The following SMAD2 variants were observed in gnomAD, a reference collection of about 807,000 sequenced individuals.
SMAD2 encodes the protein MAD homolog 2.
In SMAD2, 8 loss-of-function variants were observed where a neutral mutation model predicts 64.4. The ratio of observed to expected loss-of-function variants is 0.12; its 90% CI spans 0.07 to 0.22. The LOEUF (loss-of-function observed/expected upper bound fraction) is 0.22, where lower values mean the gene tolerates loss of function less well. SMAD2 is among the 10% of genes least tolerant of loss of function. SMAD2 has a pLI of 1.00. For synonymous variants in SMAD2, 203 were observed against 195.8 expected, an observed-to-expected ratio of 1.04 and a Z score of -0.31; for missense variants, 289 against 561.2, an observed-to-expected ratio of 0.51 and a Z score of 4.90.
At chr18:47,861,650 GT>G (rs1568056390) in intron 6 of SMAD2, among the ~76,000 whole-genome samples, 2 of 152,196 alleles carry the variant, frequency 1.3e-5, no homozygotes, top group African/African-American at 4.8e-5. Context: ...TCCTGAAGTT[GT>G]CAAACCTGAC....
At chr18:47,900,386 A>G (rs948502484) in intron 1 of SMAD2, among the ~76,000 whole-genome samples, 4 of 152,112 alleles carry the variant, frequency 2.6e-5, no homozygotes, top group African/African-American at 9.7e-5. Context: ...TACTCTGCCT[A>G]TCCCATATTC....
At chr18:47,850,876 A>T (rs1250762883) in intron 7 of SMAD2, among the ~76,000 whole-genome samples, 2 of 92,516 alleles carry the variant, frequency 2.2e-5, no homozygotes, top group African/African-American at 4.0e-5. Flanking sequence ...ATTATGTATA[A>T]TATATATAAA....
At chr18:47,911,338 G>A (rs1441558390) in intron 1 of SMAD2, among the ~76,000 whole-genome samples, 3 of 148,836 alleles carry the variant, frequency 2.0e-5, no homozygotes, top group African/African-American at 7.5e-5. Context: ...GCAACAGAGC[G>A]AGACTCCATC....
chr18:47,903,332 T>G (rs910438087), intron 1 of SMAD2, among the ~76,000 whole-genome samples: 2 of 147,616 alleles, frequency 1.4e-5, no homozygotes, highest in African/African-American at 5.0e-5. Flanking sequence ...GATGTCTCAC[T>G]GGGCACAAAA....
In SMAD2 at chr18:47,813,198, G is replaced by A. The variant is rs887176305; in HGVS notation, c.*28629C>T. On this transcript the variant is annotated 3_prime_UTR_variant, in exon 11 of 11. Coordinates refer to ENST00000262160, the MANE Select transcript of SMAD2 (RefSeq NM_005901.6). Reference sequence around the variant, plus strand: ...GCCATTGCACTCCAGCCTGAGTGATGAAACTTGGTCTCAAAAATAACTAAA... The same window carrying A: ...GCCATTGCACTCCAGCCTGAGTGATAAAACTTGGTCTCAAAAATAACTAAA... 6.6e-6 allele frequency: 1 copy of A among 152,034 alleles called. No homozygotes were observed. Among genetic ancestry groups the A allele is most frequent in the African/African-American group, 2.4e-5 (1 of 41,406 alleles). The allele number at this position is 152,034 out of a possible 1,614,324, so 9.4% of individuals were successfully genotyped here.
upstream of SMAD2, chr18:47,930,808 G>A (rs1169544927): frequency 2.0e-5 from 3 of 147,348 alleles, no homozygotes; most frequent in South Asian, 2.1e-4. Context: ...ACCTCCCGGC[G>A]GCTGGCGGGC....
chr18:47,870,069 T>C (rs150096838), intron 3 of SMAD2, among the ~76,000 whole-genome samples: 7 of 145,870 alleles, frequency 4.8e-5, no homozygotes, highest in Admixed American at 2.1e-4. Flanking sequence ...CTACTGTTAA[T>C]TGTGATATAA....
At chr18:47,894,364 C>T (rs886428604) in intron 2 of SMAD2, among the ~76,000 whole-genome samples, 1 of 152,186 alleles carries the variant, frequency 6.6e-6, no homozygotes, top group Admixed American at 6.5e-5. Flanking sequence ...AGCCTTCAGA[C>T]CCTACGGCAC....
At chr18:47,843,887 A>G (rs1914215929) in intron 10 of SMAD2, among the ~76,000 whole-genome samples, 1 of 152,180 alleles carries the variant, frequency 6.6e-6, no homozygotes, top group Non-Finnish European at 1.5e-5. Context: ...ATAGATACAC[A>G]TGGAATTCTC....
intron 2 of SMAD2, among the ~76,000 whole-genome samples, chr18:47,881,421 T>C (rs1050977044): frequency 1.6e-4 from 24 of 152,226 alleles, no homozygotes; most frequent in African/African-American, 5.5e-4. Flanking sequence ...AAAATACAAT[T>C]GATTTTTAGA....
intron 1 of SMAD2, among the ~76,000 whole-genome samples, chr18:47,899,446 A>G (rs1026397328): frequency 1.3e-5 from 2 of 152,168 alleles, no homozygotes; most frequent in Non-Finnish European, 2.9e-5. Flanking sequence ...TCAAATGTGG[A>G]AAAAAAGTGG....
chr18:47,881,488 A>T lies in SMAD2; in HGVS notation c.237-10924T>A, dbSNP rs536639756. Reference sequence around the variant, plus strand: ...TTTACTCATTTGTTTTAGTGGCTATATTTATAGATTCTTTAGGATTTCCTA... The same window carrying T: ...TTTACTCATTTGTTTTAGTGGCTATTTTTATAGATTCTTTAGGATTTCCTA... On this transcript the variant is annotated intron_variant, in intron 2 of 10. Coordinates refer to ENST00000262160, the MANE Select transcript of SMAD2 (RefSeq NM_005901.6). Among the ~76,000 whole-genome samples, 99 of 152,332 alleles carry T rather than the reference A, an allele frequency of 6.5e-4. 3 individuals carry two copies. The South Asian group carries it at 0.019, about 29-fold the overall frequency.
rs1335294339 is a variant in SMAD2, at chr18:47,824,262, G to A, written c.*17565C>T. On this transcript the variant is annotated 3_prime_UTR_variant, in exon 11 of 11. Transcript: ENST00000262160. ...GACAAATGGAGCCAGGGAAGTCCAT[G>A]AAGAGAGGGATTTTACGCACTACCT... 1.3e-5 allele frequency: 2 copies of A among 152,218 alleles called. No homozygotes were observed. The highest frequency in any genetic ancestry group is 4.8e-5 in the African/African-American group (2 of 41,462). The allele number at this position is 152,218 out of a possible 1,614,324, so 9.4% of individuals were successfully genotyped here.
At chr18:47,915,532 T>C (rs2034298303) in intron 1 of SMAD2, among the ~76,000 whole-genome samples, 1 of 152,198 alleles carries the variant, frequency 6.6e-6, no homozygotes, top group Admixed American at 6.5e-5. Flanking sequence ...GTAAAAGCTC[T>C]TCTAGGGCAG....
intron 6 of SMAD2, among the ~76,000 whole-genome samples, 163 bp from the exon 7 acceptor site, chr18:47,851,490 G>A (rs968453149): frequency 7.0e-6 from 1 of 142,690 alleles, no homozygotes; most frequent in Non-Finnish European, 1.5e-5. Context: ...TTTAATTTGT[G>A]GGGGGTCGGG....
At chr18:47,869,486 A>G (rs1211147292) in intron 3 of SMAD2, 50 bp from the exon 4 acceptor site, 1 of 1,424,148 alleles carries the variant, frequency 7.0e-7, no homozygotes, top group Non-Finnish European at 9.7e-7. Context: ...AAAAAAAAAA[A>G]AAAAAAGTGC....
rs753066683 is a variant in SMAD2, at chr18:47,823,941, T to C, written c.*17886A>G. The stretch of plus-strand genomic sequence containing the variant: ...ACAACAAAGGACTAAGGAAAAAAAA[T>C]TGGACTTAATAATAGACTCCAGGTG... On this transcript the variant is annotated 3_prime_UTR_variant, in exon 11 of 11. Transcript: ENST00000262160. 1.3e-5 allele frequency: 2 copies of C among 152,082 alleles called. No homozygotes were observed. Among genetic ancestry groups the C allele is most frequent in the Non-Finnish European group, 2.9e-5 (2 of 68,014 alleles). The allele number at this position is 152,082 out of a possible 1,614,324, so 9.4% of individuals were successfully genotyped here. A position where few individuals can be genotyped will look rare whatever the true frequency, so the allele number is the denominator to read the frequency against.
In SMAD2 at chr18:47,851,259, A is replaced by C. The variant is rs564369229; in HGVS notation, c.784+15T>G. 1.3e-6 allele frequency: 2 copies of C among 1,573,412 alleles called. No homozygotes were observed. Among genetic ancestry groups the C allele is most frequent in the Admixed American group, 3.3e-5 (2 of 59,894 alleles). On this transcript the variant is annotated intron_variant, in intron 7 of 10. Transcript: ENST00000262160. ...ACAGTATAAAAATGATGAGGGGAAC[A>C]TATGTGCAACTTACCCAAGCTATGA...
intron 10 of SMAD2, among the ~76,000 whole-genome samples, chr18:47,843,565 T>C (rs1466633075): frequency 6.6e-6 from 1 of 152,194 alleles, no homozygotes; most frequent in Non-Finnish European, 1.5e-5. Context: ...TTAAAAAAAA[T>C]AGTTTTAGAA....
Sources: gnomAD v4.1 joint callset for allele counts (sites outside exome capture counted in the v4.1 genomes callset) on GRCh38, gnomAD v4.1.1 for gene constraint, MANE v1.5 for transcripts, NCBI Gene and HGNC (gene_info 2026-07-23, HGNC 2026-07-21) for gene names.